The following MAPKAP1 variants were observed in gnomAD, a reference collection of about 807,000 sequenced individuals.
MAPKAP1 encodes target of rapamycin complex 2 subunit MAPKAP1.
A neutral mutation model predicts 65.7 loss-of-function variants in MAPKAP1; 20 were observed. The observed-to-expected ratio is 0.30, with a 90% CI of 0.21 to 0.44. The LOEUF (loss-of-function observed/expected upper bound fraction) is 0.44. Among genes scored for constraint, MAPKAP1 ranks in the 20% least tolerant of loss-of-function variants. The pLI is 1.00. For missense variants in MAPKAP1, 423 were observed against 648.0 expected (o/e 0.65, Z 3.77); for synonymous variants, 222 against 244.3 (o/e 0.91, Z 0.85).
intron 4 of MAPKAP1, among the ~76,000 whole-genome samples, chr9:125,641,408 G>C (rs1267634983): frequency 6.6e-6 from 1 of 152,132 alleles, no homozygotes; most frequent in Non-Finnish European, 1.5e-5. Context: ...GATTCTGACA[G>C]ATGTCTGGTT....
intron 7 of MAPKAP1, among the ~76,000 whole-genome samples, chr9:125,512,140 T>G (rs192099571): frequency 3.3e-5 from 5 of 152,328 alleles, no homozygotes; most frequent in Admixed American, 6.5e-5. Context: ...AACCCCTAAC[T>G]GAAACATAAA....
chr9:125,495,175 C>CAA (rs1222419637), intron 8 of MAPKAP1, among the ~76,000 whole-genome samples: 1 of 152,132 alleles, frequency 6.6e-6, no homozygotes, highest in African/African-American at 2.4e-5. Flanking sequence ...ATTTACATGG[C>CAA]AAAATATCTA....
At chr9:125,454,554 C>CT (rs1022113236) in intron 10 of MAPKAP1, among the ~76,000 whole-genome samples, 1 of 152,166 alleles carries the variant, frequency 6.6e-6, no homozygotes, top group East Asian at 1.9e-4. Context: ...TGTTTTATCA[C>CT]TTTTTTCTGT....
chr9:125,567,044 G>A (rs1444935240), intron 5 of MAPKAP1, among the ~76,000 whole-genome samples: 1 of 152,142 alleles, frequency 6.6e-6, no homozygotes, highest in Non-Finnish European at 1.5e-5. Context: ...GTGCATCACG[G>A]TGTGTGAGTC....
chr9:125,585,404 A>C (rs1831749834), intron 5 of MAPKAP1, 151 bp downstream of exon 5: 1 of 711,998 alleles, frequency 1.4e-6, no homozygotes, highest in African/African-American at 1.8e-5. Context: ...TCTGAGATGC[A>C]CAGGCGCGAG....
rs372739882 is a variant in MAPKAP1 at position 125,500,067 on chromosome 9, T to G, written c.1066+6243A>C. Among the ~76,000 whole-genome samples the G allele has an allele frequency of 2.6e-4, 39 of 152,366 alleles. No homozygotes were observed. The East Asian group carries it at 4.4e-3, about 17-fold the overall frequency. On this transcript the variant is annotated intron_variant, in intron 8 of 11. Transcript: ENST00000265960. ...AGTTAAAAAGAAATTGGTGAATTTATATGTGGAACAATATGAGTATTAATG... is the reference window on the plus strand; with the variant it reads ...AGTTAAAAAGAAATTGGTGAATTTAGATGTGGAACAATATGAGTATTAATG...
chr9:125,595,601 T>C lies in MAPKAP1; in HGVS notation c.499-9874A>G. ...ATTAAGAAATATCATGCTATGTTTG[T>C]CAGCTTACTCCTTTCTGCCTGTGGA... On this transcript the variant is annotated intron_variant, in intron 4 of 11. Transcript: ENST00000265960. The surrounding 1 kb of genome is among the most constrained non-coding windows in gnomAD (Gnocchi z 4.0). The C allele has an allele frequency of 5.2e-6, 7 of 1,338,476 alleles. No homozygotes were observed. The highest frequency in any genetic ancestry group is 6.7e-6 in the Non-Finnish European group (7 of 1,041,992). The allele number at this position is 1,338,476 out of a possible 1,614,324, so 82.9% of individuals were successfully genotyped here.
At chr9:125,685,243 G>A (rs1189961794) in intron 1 of MAPKAP1, among the ~76,000 whole-genome samples, 1 of 152,162 alleles carries the variant, frequency 6.6e-6, no homozygotes, top group Non-Finnish European at 1.5e-5. Context: ...AGAAAGAAAT[G>A]GATAATGCTC....
chr9:125,573,801 T>TC (rs1831312415), intron 5 of MAPKAP1, among the ~76,000 whole-genome samples: 1 of 152,184 alleles, frequency 6.6e-6, no homozygotes. Flanking sequence ...CCCCAATGCC[T>TC]CCTGTATCAC....
At chr9:125,593,579 T>C (rs986545675) in intron 4 of MAPKAP1, among the ~76,000 whole-genome samples, 13 of 151,352 alleles carry the variant, frequency 8.6e-5, no homozygotes, top group South Asian at 4.2e-4. Flanking sequence ...GGAGAATTGC[T>C]TGAACCCGGG....
intron 5 of MAPKAP1, among the ~76,000 whole-genome samples, chr9:125,575,346 A>T (rs1023486941): frequency 6.6e-6 from 1 of 152,194 alleles, no homozygotes; most frequent in African/African-American, 2.4e-5. Context: ...TGAGCAACAG[A>T]GTCTTAAAAT....
At chr9:125,555,151 A>T (rs1457751021) in intron 6 of MAPKAP1, among the ~76,000 whole-genome samples, 1 of 152,208 alleles carries the variant, frequency 6.6e-6, no homozygotes, top group East Asian at 1.9e-4. Context: ...TTTATAGCTA[A>T]ACATTACAGA....
intron 4 of MAPKAP1, among the ~76,000 whole-genome samples, chr9:125,620,751 C>T (rs1055946480): frequency 6.6e-6 from 1 of 151,822 alleles, no homozygotes; most frequent in African/African-American, 2.4e-5. Context: ...AAAGCAAGCT[C>T]GAGAAAAGTG....
intron 1 of MAPKAP1, among the ~76,000 whole-genome samples, chr9:125,693,698 C>T (rs1316881449): frequency 4.3e-5 from 4 of 92,960 alleles, no homozygotes; most frequent in South Asian, 3.1e-4. Context: ...TATATATACA[C>T]GTATATATAC....
chr9:125,549,161 A>C (rs1279030395), intron 6 of MAPKAP1, among the ~76,000 whole-genome samples: 1 of 152,242 alleles, frequency 6.6e-6, no homozygotes, highest in Non-Finnish European at 1.5e-5. Flanking sequence ...CTCTTAGACT[A>C]ACCATATGAC....
In MAPKAP1 at chr9:125,698,420, C is replaced by T. The variant is rs1369696194; in HGVS notation, c.-70+8551G>A. On this transcript the variant is annotated intron_variant, in intron 1 of 11. Transcript: ENST00000265960. ...TGGCGCAATCTTGGCTCATGGCAAC[C>T]TCCGACTCCCGGGTTCAAGCAATTC... is the stretch of plus-strand genomic sequence containing the variant. 4.0e-5 allele frequency among the ~76,000 whole-genome samples: 6 copies of T among 149,048 alleles called. No individual in the cohort carries two copies. In the East Asian group the frequency reaches 8.0e-4, roughly 20 times the overall value.
intron 1 of MAPKAP1, among the ~76,000 whole-genome samples, chr9:125,681,247 A>G (rs937228007): frequency 2.0e-5 from 3 of 152,230 alleles, no homozygotes; most frequent in Non-Finnish European, 1.5e-5. Context: ...AACAGAATAT[A>G]GGGGAAGGAA....
intron 4 of MAPKAP1, among the ~76,000 whole-genome samples, chr9:125,592,889 C>G (rs1362941481): frequency 1.8e-5 from 2 of 112,212 alleles, no homozygotes; most frequent in African/African-American, 3.4e-5. Context: ...GGCGAAAGAG[C>G]GAGACTCCGT....
Position 125,506,339 on chromosome 9 carries a change from G to A in MAPKAP1, c.1037C>T (p.Ala346Val). 6.2e-7 allele frequency: 1 copy of A among 1,614,078 alleles called. No individual in the cohort carries two copies. Among genetic ancestry groups the A allele is most frequent in the South Asian group, 1.1e-5 (1 of 91,088 alleles). ...CTCGCGGACCAGGCAGAACTCCCAT[G>A]CGCTCTGGCTCTCCAAAGTGCTGTC... is the stretch of plus-strand genomic sequence containing the variant. ...DLDSTLESQS[A>V]WEFCLVRENS... Residue 346 changes from alanine (A) to valine (V), a missense_variant, in exon 8 of 12, where the codon GCA (alanine) becomes GTA (valine). Around this residue, in one of 6 missense-constraint regions of MAPKAP1, gnomAD observed 185 missense variants for 268.1 expected, o/e 0.69. Transcript: ENST00000265960.
Sources: gnomAD v4.1 joint callset for allele counts (sites outside exome capture counted in the v4.1 genomes callset) on GRCh38, gnomAD v4.1.1 for gene constraint, gnomAD v4.1.1 regional missense constraint, Gnocchi (gnomAD v3.1) non-coding constraint, MANE v1.5 for transcripts, NCBI Gene and HGNC (gene_info 2026-07-23, HGNC 2026-07-21) for gene names.